The following HDAC5 variants were observed in gnomAD, a reference collection of about 807,000 sequenced individuals.
HDAC5 encodes histone deacetylase 5, also known as antigen NY-CO-9.
A neutral mutation model predicts 133.3 loss-of-function variants in HDAC5; 25 were observed. The ratio of observed to expected loss-of-function variants is 0.19; its 90% confidence interval spans 0.14 to 0.26. HDAC5 has a LOEUF of 0.26. Ranked by LOEUF, HDAC5 falls within the 10% of genes least tolerant of loss-of-function variation. The probability of loss-of-function intolerance (pLI) is 1.00; values close to 1 mark genes in which losing one functional copy is unlikely to be tolerated. For synonymous variants in HDAC5, 589 were observed against 610.8 expected (o/e 0.96, Z 0.53); for missense variants, 1,041 against 1,460.5 (o/e 0.71, Z 4.68).
At chr17:44,122,998 CG>C (rs1266687433) in intron 1 of HDAC5, among the ~76,000 whole-genome samples, 1 of 152,156 alleles carries the variant, frequency 6.6e-6, no homozygotes, top group Non-Finnish European at 1.5e-5. Context: ...TCCTCATGCA[CG>C]GAAGTCAAGG....
Position 44,080,975 on chromosome 17 carries a change from T to C in HDAC5, c.2608-93A>G, listed in dbSNP as rs2050362270. The stretch of plus-strand genomic sequence containing the variant: ...TCAGCTGAGCACTGTAGCTCATGCC[T>C]GTAATCCTAGCATTTTGGGAGGCTG... On this transcript the variant is annotated intron_variant, in intron 20 of 26. Transcript: ENST00000682912. The C allele has an allele frequency of 3.2e-6, 5 of 1,545,744 alleles. No individual in the cohort carries two copies. In the South Asian group the frequency reaches 5.7e-5, roughly 18 times the overall value.
chr17:44,079,827 C>A (rs1178109290), intron 23 of HDAC5, among the ~76,000 whole-genome samples: 1 of 152,084 alleles, frequency 6.6e-6, no homozygotes, highest in Non-Finnish European at 1.5e-5. Context: ...AATCCAATGA[C>A]AAGGAGCATC....
At chr17:44,081,531 G>C (rs953643477) in intron 20 of HDAC5, 8 of 151,346 alleles carry the variant, frequency 5.3e-5, no homozygotes, top group Non-Finnish European at 1.2e-4. Context: ...GGGATTACAG[G>C]CATGAGTCAC....
Position 44,078,375 on chromosome 17 carries a change from G to A in HDAC5, c.*1C>T, listed in dbSNP as rs766846693. On this transcript the variant is annotated 3_prime_UTR_variant, in exon 27 of 27. Coordinates refer to ENST00000682912, the MANE Select transcript of HDAC5 (RefSeq NM_005474.5). ...AGCCCAGAGGGATGGGGGCCGGGGCGTCACAGGGCAGGCTCCTGCTCCATG... is the reference window on the plus strand; with the variant it reads ...AGCCCAGAGGGATGGGGGCCGGGGCATCACAGGGCAGGCTCCTGCTCCATG... 2.0e-5 allele frequency: 31 copies of A among 1,520,434 alleles called. No individual in the cohort carries two copies. Among genetic ancestry groups the A allele is most frequent in the Non-Finnish European group, 2.0e-5 (23 of 1,136,562 alleles). 94.2% of individuals were successfully genotyped at this position (1,520,434 alleles called of 1,614,324 possible).
chr17:44,093,744 G>A lies in HDAC5; in HGVS notation c.185C>T (p.Ala62Val), dbSNP rs374844916. The part of the protein sequence containing the change: ...GSPSPVELRG[A>V]LVGSVDPTLR... ...TGTGGGGTCCACAGAGCCCACCAGA[G>A]CCCCCCGTAGCTCCACAGGGCTGGG... is the stretch of plus-strand genomic sequence containing the variant. Residue 62 changes from alanine (A) to valine (V), a missense_variant, in exon 4 of 27, where the codon GCT becomes GTT. Ala to Val is a moderately conservative substitution (Grantham distance 64). Around this residue, in one of 9 missense-constraint regions of HDAC5, gnomAD observed 93 missense variants for 98.8 expected, o/e 0.94. Transcript: ENST00000682912. The A allele has an allele frequency of 1.0e-4, 167 of 1,602,202 alleles. 7 individuals are homozygous for A. In the East Asian group the frequency reaches 1.7e-3, roughly 16 times the overall value.
intron 3 of HDAC5, among the ~76,000 whole-genome samples, chr17:44,101,800 C>T (rs1158148996): frequency 1.3e-5 from 2 of 151,982 alleles, no homozygotes; most frequent in African/African-American, 2.4e-5. Context: ...CAGTCTGGCT[C>T]CCATGTGGGA....
At chr17:44,098,718 G>C (rs148013885) in intron 3 of HDAC5, among the ~76,000 whole-genome samples, 1 of 144,712 alleles carries the variant, frequency 6.9e-6, no homozygotes, top group African/African-American at 2.5e-5. Flanking sequence ...TCTAGCCTGG[G>C]TGATAGAGCG....
chr17:44,104,347 T>G (rs1204753964), intron 3 of HDAC5, among the ~76,000 whole-genome samples: 1 of 152,106 alleles, frequency 6.6e-6, no homozygotes, highest in Non-Finnish European at 1.5e-5. Context: ...GTGCATAAAA[T>G]GAAATACTTA....
chr17:44,117,954 G>A lies in HDAC5; in HGVS notation c.-189-250C>T, dbSNP rs1267766832. On this transcript the variant is annotated intron_variant, in intron 1 of 26. Coordinates refer to ENST00000682912, the MANE Select transcript of HDAC5 (RefSeq NM_005474.5). This position sits in a 1 kb window ranked among gnomAD's most constrained non-coding sequence, Gnocchi z 4.2. ...AAACCCAACAGACCCCTTTTCAGGT[G>A]AGTGTCTACTGCCAGCTGGGGAGAC... Among the ~76,000 whole-genome samples the A allele has an allele frequency of 6.6e-6, 1 of 152,212 alleles. No homozygotes were observed. The highest frequency in any genetic ancestry group is 1.5e-5 in the Non-Finnish European group (1 of 68,030).
In HDAC5 at chr17:44,080,595, C is replaced by T. The variant is rs976671393; in HGVS notation, c.2728-97G>A. On this transcript the variant is annotated intron_variant, in intron 21 of 26. Coordinates refer to ENST00000682912, the MANE Select transcript of HDAC5 (RefSeq NM_005474.5). ...CTGCCTCCAGATCTCACTCCACTGA[C>T]CTCTGCTCTGCCTGGAGGGGCAGTC... 5 of 1,478,208 alleles carry T rather than the reference C, an allele frequency of 3.4e-6. No homozygotes were observed. The African/African-American group carries it at 6.9e-5, about 20-fold the overall frequency. The allele number at this position is 1,478,208 out of a possible 1,614,324, so 91.6% of individuals were successfully genotyped here.
rs746544110 is a variant in HDAC5, at chr17:44,093,848, A to C, written c.95-14T>G. ...GCTTCACCTCCACTGTGGGCAGAAG[A>C]GACAGGAAGGAGTTAGTGGGCCCAG... On this transcript the variant is annotated splice_polypyrimidine_tract_variant and intron_variant, in intron 3 of 26. Transcript: ENST00000682912. 24 of 1,476,402 alleles carry C rather than the reference A, an allele frequency of 1.6e-5. No individual in the cohort carries two copies. The East Asian group carries it at 5.7e-4, about 35-fold the overall frequency. 91.5% of individuals were successfully genotyped at this position (1,476,402 alleles called of 1,614,324 possible). A position where few individuals can be genotyped will look rare whatever the true frequency, so the allele number is the denominator to read the frequency against.
chr17:44,099,235 G>C (rs554351735), intron 3 of HDAC5, among the ~76,000 whole-genome samples: 3 of 152,174 alleles, frequency 2.0e-5, no homozygotes, highest in African/African-American at 7.2e-5. Flanking sequence ...GAGGCCAGTA[G>C]AGCCACCTCC....
At chr17:44,084,300 T>A (rs1190212648) in intron 16 of HDAC5, among the ~76,000 whole-genome samples, 1 of 152,116 alleles carries the variant, frequency 6.6e-6, no homozygotes, top group Non-Finnish European at 1.5e-5. Flanking sequence ...AGGAGCATGA[T>A]AAGCCGTGGA....
intron 14 of HDAC5, 158 bp from the exon 15 acceptor site, chr17:44,085,313 C>CT: frequency 1.7e-6 from 1 of 578,322 alleles, no homozygotes; most frequent in South Asian, 4.1e-5. Context: ...AACCTGCCCC[C>CT]TCTCCTCTCC....
rs769708897 is a variant in HDAC5 at position 44,078,574 on chromosome 17, A to G, written c.3255T>C (p.Thr1085=). Residue 1085 remains threonine (T), a synonymous_variant, in exon 26 of 27, where the codon ACT becomes ACC. Transcript: ENST00000682912. ...AQAGETEEAE[T]VSAMALLSVG... ...CCGACAGCAAGGCCATGGCGCTCAC[A>G]GTCTCGGCCTCCTCGGTCTCACCTG... 14 of 1,610,942 alleles carry G rather than the reference A, an allele frequency of 8.7e-6. No homozygotes were observed. The highest frequency in any genetic ancestry group is 2.2e-5 in the South Asian group (2 of 91,064).
At chr17:44,084,958 T>G in intron 15 of HDAC5, 64 bp downstream of exon 15, 4 of 1,535,638 alleles carry the variant, frequency 2.6e-6, no homozygotes, top group Non-Finnish European at 3.5e-6. Context: ...AAGAGAGGCT[T>G]ATCTAACAGG....
intron 3 of HDAC5, among the ~76,000 whole-genome samples, chr17:44,096,189 G>A (rs866661785): frequency 6.6e-6 from 1 of 152,296 alleles, no homozygotes; most frequent in Admixed American, 6.5e-5. Flanking sequence ...CTGGGAAGGC[G>A]GAAGTGAGAG....
Position 44,087,531 on chromosome 17 carries a change from C to T in HDAC5, c.1765G>A (p.Glu589Lys). The change falls in exon 13 of 27, where the codon GAG becomes AAG. Residue 589 changes from glutamate to lysine, a missense_variant. This residue lies in a region of HDAC5 where 433 missense variants were observed against 531.6 expected (regional missense o/e 0.81). Transcript: ENST00000682912. ...TCCTCCCCATCGTCTTCCTCGTCCT[C>T]CTCCTCCAGGTCTTCCTGTGTGCTC... ...SESTQEDLEEEDEEDDGEEEE... is the reference protein window; with the variant it reads ...SESTQEDLEEKDEEDDGEEEE... 6.2e-7 allele frequency: 1 copy of T among 1,613,678 alleles called. No homozygotes were observed. The highest frequency in any genetic ancestry group is 8.5e-7 in the Non-Finnish European group (1 of 1,179,606).
intron 19 of HDAC5, 39 bp downstream of exon 19, chr17:44,082,726 G>A (rs374385731): frequency 2.5e-6 from 4 of 1,608,670 alleles, no homozygotes; most frequent in East Asian, 4.5e-5. Flanking sequence ...GTTTGCAAGA[G>A]ACAGGAAGGG....
Sources: allele counts gnomAD v4.1 joint callset (sites outside exome capture counted in the v4.1 genomes callset), GRCh38; gene constraint gnomAD v4.1.1; regional missense constraint gnomAD v4.1.1; non-coding constraint Gnocchi (gnomAD v3.1); transcripts MANE v1.5; gene names NCBI Gene and HGNC (gene_info 2026-07-23, HGNC 2026-07-21).